Variants in EVI5 observed in about 807,000 individuals in gnomAD.
EVI5 encodes the protein ecotropic viral integration site 5.
A neutral mutation model predicts 112.0 loss-of-function variants in EVI5; 73 were observed. The ratio of observed to expected loss-of-function variants is 0.65; its 90% CI spans 0.54 to 0.79. EVI5 has a LOEUF of 0.79. EVI5 is among the 30% of genes least tolerant of loss of function. EVI5 has a pLI of 0.00. For synonymous variants in EVI5, 305 were observed against 319.9 expected (o/e 0.95, Z 0.50); for missense variants, 900 against 968.8 (o/e 0.93, Z 0.94).
At position 92,563,672 on chromosome 1, in the gene EVI5, C is replaced by T; in HGVS notation, c.2136G>A (p.Leu712=). 1.9e-6 allele frequency: 3 copies of T among 1,602,594 alleles called. No homozygotes were observed. Among genetic ancestry groups the T allele is most frequent in the Non-Finnish European group, 2.6e-6 (3 of 1,171,832 alleles). ...GATTCAGCTCTGCTATCTGATCTTTCAGTTCCCCAATATACTGGTTAGAAT... is the reference window on the plus strand; with the variant it reads ...GATTCAGCTCTGCTATCTGATCTTTTAGTTCCCCAATATACTGGTTAGAAT... ...KSDSNQYIGE[L]KDQIAELNHE... Residue 712 remains leucine, a synonymous_variant, in exon 19 of 20, where the codon CTG becomes CTA. Coordinates refer to ENST00000684568, the MANE Select transcript of EVI5 (RefSeq NM_001350197.2).
intron 1 of EVI5, among the ~76,000 whole-genome samples, chr1:92,772,519 C>T (rs1683562970): frequency 6.6e-6 from 1 of 152,052 alleles, no homozygotes; most frequent in Admixed American, 6.5e-5. Context: ...TAAAGTTAAA[C>T]ATACATCTTC....
At chr1:92,743,304 G>C (rs572048642) in intron 1 of EVI5, among the ~76,000 whole-genome samples, 1 of 152,048 alleles carries the variant, frequency 6.6e-6, no homozygotes, top group Non-Finnish European at 1.5e-5. Flanking sequence ...AGTGCATCAA[G>C]ATCGTGCCAC....
At chr1:92,527,414 C>CAAAAAAAAAAAAAAAAAAA (rs763348201) in intron 19 of EVI5, among the ~76,000 whole-genome samples, 2 of 18,664 alleles carry the variant, frequency 1.1e-4, no homozygotes, top group Admixed American at 6.0e-4. Context: ...GACACTGTCT[C>CAAAAAAAAAAAAAAAAAAA]AAAAAAAAAA....
At chr1:92,595,036 A>G (rs2101399064) in intron 18 of EVI5, among the ~76,000 whole-genome samples, 1 of 152,040 alleles carries the variant, frequency 6.6e-6, no homozygotes, top group South Asian at 2.1e-4. Flanking sequence ...AACTAGAAAT[A>G]CCATTTGACC....
intron 2 of EVI5, among the ~76,000 whole-genome samples, chr1:92,734,784 C>A (rs1057133468): frequency 6.6e-6 from 1 of 151,904 alleles, no homozygotes; most frequent in African/African-American, 2.4e-5. Flanking sequence ...GACTTTTACC[C>A]CAAACATATA....
intron 19 of EVI5, among the ~76,000 whole-genome samples, chr1:92,534,293 A>T (rs1000745219): frequency 1.3e-5 from 2 of 152,370 alleles, no homozygotes; most frequent in Non-Finnish European, 2.9e-5. Context: ...ACACAAACAA[A>T]TGGAAAAACA....
chr1:92,547,532 A>G (rs1437168613), intron 19 of EVI5, among the ~76,000 whole-genome samples: 1 of 152,184 alleles, frequency 6.6e-6, no homozygotes, highest in Non-Finnish European at 1.5e-5. Context: ...GACACAAAAA[A>G]CCCTTCAAAA....
chr1:92,743,419 T>A (rs1389314531), intron 1 of EVI5, among the ~76,000 whole-genome samples: 1 of 151,500 alleles, frequency 6.6e-6, no homozygotes, highest in Non-Finnish European at 1.5e-5. Flanking sequence ...TTATACGAAG[T>A]GAAAAAAGCC....
intron 9 of EVI5, among the ~76,000 whole-genome samples, chr1:92,686,510 C>T (rs796100173): frequency 4.6e-5 from 7 of 152,326 alleles, no homozygotes; most frequent in African/African-American, 1.4e-4. Flanking sequence ...TCTCTCACCA[C>T]TCCTATTCAA....
At position 92,512,076 on chromosome 1, in the gene EVI5, G is replaced by A. The variant is rs531117579; in HGVS notation, c.*1580C>T. ...AGTACCCAGTCAACATATTCATGTC[G>A]TCTTTCCATAGTGCAAGTATAATTT... is the stretch of plus-strand genomic sequence containing the variant. On this transcript the variant is annotated 3_prime_UTR_variant, in exon 20 of 20. Coordinates refer to ENST00000684568, the MANE Select transcript of EVI5 (RefSeq NM_001350197.2). The A allele has an allele frequency of 2.0e-5, 3 of 152,306 alleles. No homozygotes were observed. Among genetic ancestry groups the A allele is most frequent in the Admixed American group, 6.6e-5 (1 of 15,226 alleles). The allele number at this position is 152,306 out of a possible 1,614,324, so 9.4% of individuals were successfully genotyped here.
intron 1 of EVI5, among the ~76,000 whole-genome samples, chr1:92,781,954 CAAAAA>C (rs36036236): frequency 6.4e-5 from 3 of 47,044 alleles, no homozygotes; most frequent in Admixed American, 3.0e-4. Context: ...GATTCTGTCT[CAAAAA>C]AAAAAAAAAA....
Position 92,758,494 on chromosome 1 carries a change from A to G in EVI5, c.-81-21867T>C, listed in dbSNP as rs543843961. Among the ~76,000 whole-genome samples, 10 of 151,488 alleles carry G rather than the reference A, an allele frequency of 6.6e-5. No individual in the cohort carries two copies. In the East Asian group the frequency reaches 2.0e-3, roughly 30 times the overall value. On this transcript the variant is annotated intron_variant, in intron 1 of 19. Transcript: ENST00000684568. ...TGAGGCAGGACTATTGATTGAGTCT[A>G]CGAGGTCAGAGGCTGCAGTGAGCCA...
Position 92,704,674 on chromosome 1 carries a change from CAAGAG to C in EVI5, c.215_219del (p.Ser72CysfsTer8). The C allele has an allele frequency of 6.2e-7, 1 of 1,604,536 alleles. No homozygotes were observed. The highest frequency in any genetic ancestry group is 1.1e-5 in the South Asian group (1 of 89,896). ...TTGCTAGAGGCTGATGAACTCGACA[CAAGAG>C]AAGAGCCACTGTTTCTTCTTGACCC... On this transcript the variant is annotated frameshift_variant, in exon 3 of 20. Transcript: ENST00000684568. LOFTEE classifies it high-confidence loss of function.
At chr1:92,630,078 T>G (rs1013871122) in intron 14 of EVI5, among the ~76,000 whole-genome samples, 1 of 152,216 alleles carries the variant, frequency 6.6e-6, no homozygotes, top group African/African-American at 2.4e-5. Flanking sequence ...TGTTGGACAT[T>G]TGGATTGGTT....
chr1:92,661,464 T>C (rs1363733030), intron 13 of EVI5, among the ~76,000 whole-genome samples: 1 of 152,162 alleles, frequency 6.6e-6, no homozygotes, highest in Non-Finnish European at 1.5e-5. Context: ...GTATTATGAC[T>C]GTAGCTTATG....
intron 19 of EVI5, among the ~76,000 whole-genome samples, chr1:92,526,772 A>C (rs1308619488): frequency 6.6e-6 from 1 of 152,206 alleles, no homozygotes; most frequent in Non-Finnish European, 1.5e-5. Context: ...GTAATGGTGG[A>C]TACATGTCAT....
chr1:92,630,981 A>T (rs1188449807), intron 14 of EVI5, among the ~76,000 whole-genome samples: 3 of 152,064 alleles, frequency 2.0e-5, no homozygotes, highest in Non-Finnish European at 4.4e-5. Flanking sequence ...ATAGTTGTAG[A>T]TATGTGGGAT....
rs1284117242 is a variant in EVI5, at chr1:92,785,049, C to T, written c.-295G>A. 4 of 985,502 alleles carry T rather than the reference C, an allele frequency of 4.1e-6. No homozygotes were observed. The highest frequency in any genetic ancestry group is 1.7e-5 in the African/African-American group (1 of 57,212). The allele number at this position is 985,502 out of a possible 1,614,324, so 61.0% of individuals were successfully genotyped here. ...CGCCGCTGTCGGAACTGCAGCCAGC[C>T]CCTTGCCAGCTGGCCAGCTGGTTCC... On this transcript the variant is annotated 5_prime_UTR_variant, in exon 1 of 20. Transcript: ENST00000684568.
At chr1:92,764,796 T>C (rs779529880) in intron 1 of EVI5, among the ~76,000 whole-genome samples, 15 of 152,194 alleles carry the variant, frequency 9.9e-5, no homozygotes, top group Non-Finnish European at 1.5e-4. Flanking sequence ...GAAGAAATAA[T>C]GACCTTAAAA....
Sources: gnomAD v4.1 joint callset for allele counts (sites outside exome capture counted in the v4.1 genomes callset) on GRCh38, gnomAD v4.1.1 for gene constraint, MANE v1.5 for transcripts, NCBI Gene and HGNC (gene_info 2026-07-23, HGNC 2026-07-21) for gene names.